Variants in ELOVL3 observed in about 807,000 individuals in gnomAD.
ELOVL3 encodes the protein ELOVL fatty acid elongase 3.
ELOVL3 carries 11 observed loss-of-function variants against 14.9 expected under a neutral mutation model. That is an observed-to-expected ratio of 0.74 (90% confidence interval 0.46 to 1.22). ELOVL3 has a LOEUF of 1.22. ELOVL3 is among the 50% of genes most tolerant of loss of function. ELOVL3 has a pLI of 0.00. For synonymous variants in ELOVL3, 117 were observed against 124.7 expected (o/e 0.94, Z 0.41); for missense variants, 277 against 338.9 (o/e 0.82, Z 1.43).
At position 102,228,844 on chromosome 10, in the gene ELOVL3, C is replaced by T; in HGVS notation, c.405C>T (p.Ile135=). The change falls in exon 4 of 4, where the codon ATC becomes ATT. Residue 135 remains isoleucine, a synonymous_variant. Transcript: ENST00000370005. Reference sequence around the variant, plus strand: ...TCCCAGGAGACACAGCCTTCATCATCCTGCGTAAGCGGCCACTCATCTTTA... The same window carrying T: ...TCCCAGGAGACACAGCCTTCATCATTCTGCGTAAGCGGCCACTCATCTTTA... ...VIELGDTAFI[I]LRKRPLIFIH... The T allele has an allele frequency of 6.2e-7, 1 of 1,611,960 alleles. No individual in the cohort carries two copies. The highest frequency in any genetic ancestry group is 8.5e-7 in the Non-Finnish European group (1 of 1,178,492).
chr10:102,228,899 G>A lies in ELOVL3; in HGVS notation c.460G>A (p.Val154Met), dbSNP rs779956256. The A allele has an allele frequency of 3.8e-5, 62 of 1,614,028 alleles. No individual in the cohort carries two copies. Among genetic ancestry groups the A allele is most frequent in the Admixed American group, 1.0e-4 (6 of 60,004 alleles). The change falls in exon 4 of 4, where the codon GTG (valine) becomes ATG (methionine). Residue 154 changes from valine (V) to methionine (M), a missense_variant. Transcript: ENST00000370005. ...CTGGTACCACCACAGCACAGTGCTCGTGTACACAAGCTTTGGATACAAGAA... is the reference window on the plus strand; with the variant it reads ...CTGGTACCACCACAGCACAGTGCTCATGTACACAAGCTTTGGATACAAGAA... ...IHWYHHSTVL[V>M]YTSFGYKNKV... is the part of the protein sequence containing the mutation.
In ELOVL3 at chr10:102,227,580, A is replaced by G. The variant is rs1032534189; in HGVS notation, c.102-46A>G. On this transcript the variant is annotated intron_variant, in intron 1 of 3. Transcript: ENST00000370005. ...GGAGAGATGAGTGGGCATTTCTCTA[A>G]TCAGCACCCACCCATGAGCCCATCC... is the stretch of plus-strand genomic sequence containing the variant. 2.5e-6 allele frequency: 4 copies of G among 1,589,310 alleles called. No individual in the cohort carries two copies. In the African/African-American group the frequency reaches 5.4e-5, roughly 21 times the overall value.
chr10:102,225,558 AC>A (rs2070129690), upstream of ELOVL3, among the ~76,000 whole-genome samples: 1 of 152,212 alleles, frequency 6.6e-6, no homozygotes, highest in South Asian at 2.1e-4. Flanking sequence ...GGGGCTGGTT[AC>A]ACAGGCGAGA....
In ELOVL3 at chr10:102,229,469, C is replaced by T; in HGVS notation, c.*217C>T. On this transcript the variant is annotated 3_prime_UTR_variant, in exon 4 of 4. Coordinates refer to ENST00000370005, the MANE Select transcript of ELOVL3 (RefSeq NM_152310.3). ...AATGTTTCTGTTTTTAATGTGAAGG[C>T]CAAGCAGGCCCTGGGATGGGAGTGG... The T allele has an allele frequency of 1.9e-6, 1 of 533,144 alleles. No homozygotes were observed. Among genetic ancestry groups the T allele is most frequent in the East Asian group, 3.1e-5 (1 of 32,148 alleles). The allele number at this position is 533,144 out of a possible 1,614,324, so 33.0% of individuals were successfully genotyped here.
chr10:102,226,627 A>C lies in ELOVL3; in HGVS notation c.79A>C (p.Arg27=). 1 of 1,613,926 alleles carries C rather than the reference A, an allele frequency of 6.2e-7. No homozygotes were observed. The highest frequency in any genetic ancestry group is 8.5e-7 in the Non-Finnish European group (1 of 1,179,888). Residue 27 remains arginine, a synonymous_variant, in exon 1 of 4, where the codon AGG becomes CGG. Transcript: ENST00000370005. ...TAACTTCGAGCTGTCCAAGGACATGAGGCCCTTTTTCGAGGAGTATTGGTG... is the reference window on the plus strand; with the variant it reads ...TAACTTCGAGCTGTCCAAGGACATGCGGCCCTTTTTCGAGGAGTATTGGTG... ...PYNFELSKDM[R]PFFEEYWATS...
chr10:102,225,590 G>GA (rs1456537830), upstream of ELOVL3, among the ~76,000 whole-genome samples: 1 of 152,094 alleles, frequency 6.6e-6, no homozygotes, highest in Non-Finnish European at 1.5e-5. Context: ...TTTGGTTAGG[G>GA]AGAGAAAACA....
intron 3 of ELOVL3, 59 bp from the exon 4 acceptor site, chr10:102,228,766 A>G (rs1057311683): frequency 6.6e-6 from 10 of 1,524,766 alleles, no homozygotes; most frequent in Middle Eastern, 1.7e-4. Flanking sequence ...CCCTACATCC[A>G]GTGCAGAGGG....
intron 1 of ELOVL3, 21 bp from the exon 2 acceptor site, chr10:102,227,605 C>A (rs1320092971): frequency 6.2e-7 from 1 of 1,608,084 alleles, no homozygotes; most frequent in East Asian, 2.2e-5. Flanking sequence ...TGAGCCCATC[C>A]CTCTGCCTTC....
intron 1 of ELOVL3, among the ~76,000 whole-genome samples, chr10:102,227,227 C>T (rs561424317): frequency 2.6e-5 from 4 of 152,186 alleles, no homozygotes; most frequent in South Asian, 4.1e-4. Context: ...ATTCTTCTTA[C>T]GCCACAGCCC....
intron 2 of ELOVL3, 59 bp from the exon 3 acceptor site, chr10:102,228,358 G>A (rs1412564805): frequency 6.3e-7 from 1 of 1,575,632 alleles, no homozygotes; most frequent in Non-Finnish European, 8.7e-7. Context: ...GCCGGGGGAA[G>A]GGTGGATTAT....
intron 1 of ELOVL3, 37 bp downstream of exon 1, chr10:102,226,686 C>T (rs754350192): frequency 1.3e-6 from 2 of 1,542,534 alleles, no homozygotes; most frequent in East Asian, 2.3e-5. Context: ...ATGCCAGGGC[C>T]CCGGGGCCGG....
At chr10:102,226,122 C>A (rs1399434504), upstream of ELOVL3, among the ~76,000 whole-genome samples, 1 of 152,144 alleles carries the variant, frequency 6.6e-6, no homozygotes, top group East Asian at 1.9e-4. Context: ...ATGGGGTGGA[C>A]GTTTTACGGG....
In ELOVL3 at chr10:102,228,841, C is replaced by G. The variant is rs748565532; in HGVS notation, c.402C>G (p.Ile134Met). 51 of 1,611,160 alleles carry G rather than the reference C, an allele frequency of 3.2e-5. No homozygotes were observed. Among genetic ancestry groups the G allele is most frequent in the Non-Finnish European group, 4.2e-5 (49 of 1,178,060 alleles). Residue 134 changes from isoleucine to methionine, a missense_variant, in exon 4 of 4, where the codon ATC becomes ATG. Transcript: ENST00000370005. ...KVIELGDTAFIILRKRPLIFI... is the reference protein window; with the variant it reads ...KVIELGDTAFMILRKRPLIFI... ...ATCTCCCAGGAGACACAGCCTTCATCATCCTGCGTAAGCGGCCACTCATCT... is the reference window on the plus strand; with the variant it reads ...ATCTCCCAGGAGACACAGCCTTCATGATCCTGCGTAAGCGGCCACTCATCT...
intron 1 of ELOVL3, 67 bp downstream of exon 1, chr10:102,226,716 G>A: frequency 9.4e-7 from 1 of 1,063,018 alleles, no homozygotes; most frequent in South Asian, 1.3e-5. Flanking sequence ...GGGTGGCATT[G>A]AATGCCCACA....
chr10:102,227,811 A>T, intron 2 of ELOVL3, 54 bp downstream of exon 2: 2 of 1,597,270 alleles, frequency 1.3e-6, no homozygotes, highest in Non-Finnish European at 1.7e-6. Flanking sequence ...CCACCATTCT[A>T]TCCCTTGAAG....
chr10:102,227,823 T>G, intron 2 of ELOVL3, 66 bp downstream of exon 2: 18 of 1,572,974 alleles, frequency 1.1e-5, no homozygotes, highest in Non-Finnish European at 1.6e-5. Context: ...CCCTTGAAGC[T>G]TTCCCGATTG....
At chr10:102,228,215 T>C (rs932494908) in intron 2 of ELOVL3, among the ~76,000 whole-genome samples, 2 of 152,166 alleles carry the variant, frequency 1.3e-5, no homozygotes, top group South Asian at 2.1e-4. Context: ...TTCCCTGATC[T>C]TTCTCCAGCC....
At position 102,229,350 on chromosome 10, in the gene ELOVL3, C is replaced by T; in HGVS notation, c.*98C>T. ...GAGAATGATTAGGTTGCCTTACCTG[C>T]ATGGTTTCCCCAGAGGATGTGTGCC... On this transcript the variant is annotated 3_prime_UTR_variant, in exon 4 of 4. Coordinates refer to ENST00000370005, the MANE Select transcript of ELOVL3 (RefSeq NM_152310.3). 1 of 1,211,016 alleles carries T rather than the reference C, an allele frequency of 8.3e-7. No individual in the cohort carries two copies. Among genetic ancestry groups the T allele is most frequent in the Non-Finnish European group, 1.1e-6 (1 of 880,230 alleles). The allele number at this position is 1,211,016 out of a possible 1,614,324, so 75.0% of individuals were successfully genotyped here.
upstream of ELOVL3, among the ~76,000 whole-genome samples, chr10:102,225,196 G>A (rs1029744405): frequency 1.3e-5 from 2 of 152,160 alleles, no homozygotes; most frequent in African/African-American, 2.4e-5. Flanking sequence ...AACGTGACCA[G>A]GTGAGAAGTG....
Sources: allele counts gnomAD v4.1 joint callset (sites outside exome capture counted in the v4.1 genomes callset), GRCh38; gene constraint gnomAD v4.1.1; transcripts MANE v1.5; gene names NCBI Gene and HGNC (gene_info 2026-07-23, HGNC 2026-07-21).